Variants in TDRP observed in about 807,000 individuals in gnomAD.
TDRP encodes the protein testis development-related protein.
TDRP carries 12 observed loss-of-function variants against 10.5 expected under a neutral mutation model. The observed-to-expected ratio is 1.15, with a 90% confidence interval of 0.73 to 1.86. The LOEUF is 1.86. Ranked by LOEUF, TDRP falls within the 40% of genes most tolerant of loss-of-function variation. The pLI, the probability that TDRP is intolerant of heterozygous loss-of-function variation, is 0.00. For missense variants in TDRP, 353 were observed against 229.2 expected (o/e 1.54, Z -3.49); for synonymous variants, 139 against 95.4 (o/e 1.46, Z -2.67).
intron 1 of TDRP, among the ~76,000 whole-genome samples, chr8:530,395 A>G (rs1802158733): frequency 1.3e-5 from 2 of 152,088 alleles, no homozygotes; most frequent in Admixed American, 1.3e-4. Context: ...TAATTGGGCC[A>G]TATTTCTCTG....
At chr8:537,695 T>A (rs993662278) in intron 1 of TDRP, among the ~76,000 whole-genome samples, 6 of 152,148 alleles carry the variant, frequency 3.9e-5, no homozygotes, top group Non-Finnish European at 8.8e-5. Context: ...AATGCTAAAT[T>A]AGCCTCCTAT....
chr8:514,163 G>A (rs527878628), intron 1 of TDRP, among the ~76,000 whole-genome samples: 2 of 152,298 alleles, frequency 1.3e-5, no homozygotes, highest in East Asian at 3.9e-4. Flanking sequence ...ATCAAAGTAA[G>A]AGAACTCACA....
At chr8:503,147 G>A (rs2116745254) in intron 1 of TDRP, among the ~76,000 whole-genome samples, 3 of 152,128 alleles carry the variant, frequency 2.0e-5, no homozygotes, top group Admixed American at 2.0e-4. Context: ...TGTCAACACA[G>A]AATCCAGAGC....
At chr8:523,736 G>A (rs1440421161) in intron 1 of TDRP, among the ~76,000 whole-genome samples, 6 of 152,244 alleles carry the variant, frequency 3.9e-5, no homozygotes, top group African/African-American at 1.4e-4. Context: ...GGGAAGAGTG[G>A]GAAGGACTTT....
chr8:510,407 G>A (rs887014129), intron 1 of TDRP, among the ~76,000 whole-genome samples: 1 of 152,012 alleles, frequency 6.6e-6, no homozygotes, highest in Admixed American at 6.6e-5. Flanking sequence ...CTCTGTGCCA[G>A]GAACCACAGA....
At chr8:495,206 G>T in intron 1 of TDRP, among the ~76,000 whole-genome samples, 1 of 152,188 alleles carries the variant, frequency 6.6e-6, no homozygotes, top group Admixed American at 6.5e-5. Flanking sequence ...TGCACTCCAG[G>T]CTGGGCAACA....
At chr8:533,563 C>T (rs1245691335) in intron 1 of TDRP, among the ~76,000 whole-genome samples, 2 of 152,306 alleles carry the variant, frequency 1.3e-5, no homozygotes, top group South Asian at 2.1e-4. Context: ...GAACCCCAGA[C>T]GTTTCATCGG....
chr8:501,494 T>C lies in TDRP; in HGVS notation c.109-6897A>G, dbSNP rs373074674. On this transcript the variant is annotated intron_variant, in intron 1 of 2. Transcript: ENST00000324079. ...CCTGAGTAGCTGGAATTACAGGCGATGGCCACCACACCCAGCTAATTTTTG... is the reference window on the plus strand; with the variant it reads ...CCTGAGTAGCTGGAATTACAGGCGACGGCCACCACACCCAGCTAATTTTTG... Among the ~76,000 whole-genome samples the C allele has an allele frequency of 7.0e-4, 107 of 151,934 alleles. 3 individuals are homozygous for C. The South Asian group carries it at 0.021, about 30-fold the overall frequency.
intron 1 of TDRP, among the ~76,000 whole-genome samples, chr8:530,641 C>A (rs536183703): frequency 6.6e-6 from 1 of 152,106 alleles, no homozygotes; most frequent in Non-Finnish European, 1.5e-5. Context: ...TGTAATCTCT[C>A]GATCCCTCTG....
rs372192794 is a variant in TDRP, at chr8:520,004, G to C, written c.108+24646C>G. Among the ~76,000 whole-genome samples, 4 of 152,222 alleles carry C rather than the reference G, an allele frequency of 2.6e-5. No individual in the cohort carries two copies. The East Asian group carries it at 7.7e-4, about 29-fold the overall frequency. ...TAAATGCGTGTAAGGCACAGAATGG[G>C]AAAGAAAGGGAATGGAGGTCACAGC... On this transcript the variant is annotated intron_variant, in intron 1 of 2. Coordinates refer to ENST00000324079, the MANE Select transcript of TDRP (RefSeq NM_001384899.1).
At chr8:542,086 A>C (rs1802509607) in intron 1 of TDRP, among the ~76,000 whole-genome samples, 1 of 152,244 alleles carries the variant, frequency 6.6e-6, no homozygotes, top group Non-Finnish European at 1.5e-5. Context: ...AGTGCTAAAA[A>C]GAAACGAGCT....
At chr8:513,903 A>T (rs890576410) in intron 1 of TDRP, among the ~76,000 whole-genome samples, 2 of 152,246 alleles carry the variant, frequency 1.3e-5, no homozygotes, top group African/African-American at 4.8e-5. Flanking sequence ...TTACAATTAC[A>T]TCAAAATAAT....
chr8:501,037 T>A lies in TDRP; in HGVS notation c.109-6440A>T, dbSNP rs563951141. Among the ~76,000 whole-genome samples the A allele has an allele frequency of 1.7e-4, 26 of 152,092 alleles. 1 individual carries two copies. In the South Asian group the frequency reaches 3.9e-3, roughly 23 times the overall value. Reference sequence around the variant, plus strand: ...CTGGCTAACACGGTGAAACCCCGTCTCTACTAAAAATACAAAAATTAGCCG... The same window carrying A: ...CTGGCTAACACGGTGAAACCCCGTCACTACTAAAAATACAAAAATTAGCCG... On this transcript the variant is annotated intron_variant, in intron 1 of 2. Transcript: ENST00000324079.
chr8:508,030 A>T (rs1280147330), intron 1 of TDRP, among the ~76,000 whole-genome samples: 1 of 152,248 alleles, frequency 6.6e-6, no homozygotes, highest in African/African-American at 2.4e-5. Context: ...ACAAACTGCC[A>T]GATCTGTGGA....
chr8:491,780 G>T lies in TDRP; in HGVS notation c.*619C>A. On this transcript the variant is annotated 3_prime_UTR_variant, in exon 3 of 3. Coordinates refer to ENST00000324079, the MANE Select transcript of TDRP (RefSeq NM_001384899.1). ...AAAAGAACCACTGTTACTATCCAGT[G>T]GACATACAAGAAGCTATTCCTCCCT... is the stretch of plus-strand genomic sequence containing the variant. 7.6e-7 allele frequency: 1 copy of T among 1,307,626 alleles called. No homozygotes were observed. Among genetic ancestry groups the T allele is most frequent in the Non-Finnish European group, 9.7e-7 (1 of 1,032,938 alleles). 81.0% of individuals were successfully genotyped at this position (1,307,626 alleles called of 1,614,324 possible).
chr8:508,413 G>T (rs776441429), intron 1 of TDRP, among the ~76,000 whole-genome samples: 11 of 152,288 alleles, frequency 7.2e-5, no homozygotes, highest in Non-Finnish European at 1.5e-4. Flanking sequence ...CCACATGGCT[G>T]GGAAGGCCTC....
intron 1 of TDRP, among the ~76,000 whole-genome samples, chr8:511,275 G>A (rs1801609910): frequency 6.6e-6 from 1 of 152,140 alleles, no homozygotes; most frequent in Non-Finnish European, 1.5e-5. Flanking sequence ...GACTGAAAGT[G>A]AAAGGAAGGA....
intron 1 of TDRP, among the ~76,000 whole-genome samples, chr8:532,950 T>C (rs1802246151): frequency 6.6e-6 from 1 of 152,132 alleles, no homozygotes; most frequent in Non-Finnish European, 1.5e-5. Flanking sequence ...ATCCCTTCCT[T>C]TACAGTAAAA....
chr8:509,038 T>G (rs752909218), intron 1 of TDRP, among the ~76,000 whole-genome samples: 19 of 152,216 alleles, frequency 1.2e-4, no homozygotes, highest in Non-Finnish European at 1.5e-4. Flanking sequence ...CTCCTTTGAC[T>G]CCATGTCTCA....
Sources: allele counts gnomAD v4.1 joint callset (sites outside exome capture counted in the v4.1 genomes callset), GRCh38; gene constraint gnomAD v4.1.1; transcripts MANE v1.5; gene names NCBI Gene and HGNC (gene_info 2026-07-23, HGNC 2026-07-21).